Variants in CARMIL3 observed in about 807,000 individuals in gnomAD.
CARMIL3 encodes the protein capping protein, Arp2/3 and myosin-I linker protein 3.
CARMIL3 carries 88 observed loss-of-function variants against 180.8 expected under a neutral mutation model. The ratio of observed to expected loss-of-function variants is 0.49; its 90% CI spans 0.41 to 0.58. The LOEUF is 0.58. CARMIL3 is among the 20% of genes least tolerant of loss of function. The pLI is 0.00. For missense variants in CARMIL3, 1,548 were observed against 1,787.0 expected (o/e 0.87, Z 2.41); for synonymous variants, 696 against 714.5 (o/e 0.97, Z 0.41).
intron 24 of CARMIL3, among the ~76,000 whole-genome samples, 178 bp downstream of exon 24, chr14:24,060,433 G>A (rs538032783): frequency 6.6e-6 from 1 of 152,322 alleles, no homozygotes; most frequent in Non-Finnish European, 1.5e-5. Flanking sequence ...ACATATGTGG[G>A]CGAACAGCAG....
intron 36 of CARMIL3, among the ~76,000 whole-genome samples, chr14:24,066,951 T>A (rs1417138287): frequency 6.6e-6 from 1 of 152,228 alleles, no homozygotes; most frequent in African/African-American, 2.4e-5. Context: ...CTGGTCACCA[T>A]TGGCACAGTG....
At chr14:24,062,957 T>C (rs1005923409) in intron 29 of CARMIL3, 111 bp downstream of exon 29, 1 of 1,539,966 alleles carries the variant, frequency 6.5e-7, no homozygotes, top group Non-Finnish European at 8.8e-7. Flanking sequence ...TCACTGTGCC[T>C]GGCCTTCTGC....
In CARMIL3 at chr14:24,066,488, C is replaced by A. The variant is rs760107535; in HGVS notation, c.3592+24C>A. ...AGGTAAGAACAGTCACATTCAAAGCCCTTTTGGACCCCTCTCTCAGGGGTC... is the reference window on the plus strand; with the variant it reads ...AGGTAAGAACAGTCACATTCAAAGCACTTTTGGACCCCTCTCTCAGGGGTC... On this transcript the variant is annotated intron_variant, in intron 35 of 39. Transcript: ENST00000342740. 3 of 1,613,928 alleles carry A rather than the reference C, an allele frequency of 1.9e-6. No homozygotes were observed. In the South Asian group the frequency reaches 3.3e-5, roughly 18 times the overall value.
In CARMIL3 at chr14:24,054,114, C is replaced by G. The variant is rs2035646271; in HGVS notation, c.162C>G (p.Leu54=). 1.2e-6 allele frequency: 2 copies of G among 1,614,046 alleles called. No homozygotes were observed. Among genetic ancestry groups the G allele is most frequent in the South Asian group, 2.2e-5 (2 of 91,084 alleles). The change falls in exon 3 of 40, where the codon CTC becomes CTG. Residue 54 remains leucine, a synonymous_variant. Transcript: ENST00000342740. This position sits in a 1 kb window ranked among gnomAD's most constrained non-coding sequence, Gnocchi z 5.1. ...VLALTSWRLH[L]FLLKVPAKVE... ...CCCTGACCTCCTGGCGCCTCCACCT[C>G]TTCCTCCTTAAAGTCCCGGCCAAGG...
rs767755727 is a variant in CARMIL3, at chr14:24,055,119, C to T, written c.514C>T (p.Arg172Cys). The T allele has an allele frequency of 6.8e-6, 11 of 1,613,838 alleles. No homozygotes were observed. Among genetic ancestry groups the T allele is most frequent in the Admixed American group, 3.3e-5 (2 of 59,996 alleles). Reference protein sequence around the residue: ...ALCDYNGLHCREEVQWDVDTI... With the variant: ...ALCDYNGLHCCEEVQWDVDTI... ...GTGTGACTACAATGGGCTACACTGC[C>T]GTGAGGAGGTTCAATGGGTATGTTG... The change falls in exon 7 of 40, where the codon CGT becomes TGT. Residue 172 changes from arginine to cysteine, a missense_variant. Physicochemically the swap from Arg to Cys is radical, Grantham distance 180. This residue lies in a region of CARMIL3 where 578 missense variants were observed against 666.5 expected (regional missense o/e 0.87). Transcript: ENST00000342740.
rs1232503899 is a variant in CARMIL3 at position 24,054,160 on chromosome 14, G to A, written c.186+22G>A. 6.2e-7 allele frequency: 1 copy of A among 1,614,130 alleles called. No individual in the cohort carries two copies. Among genetic ancestry groups the A allele is most frequent in the East Asian group, 2.2e-5 (1 of 44,878 alleles). On this transcript the variant is annotated intron_variant, in intron 3 of 39. Coordinates refer to ENST00000342740, the MANE Select transcript of CARMIL3 (RefSeq NM_138360.4). The surrounding 1 kb of genome is among the most constrained non-coding windows in gnomAD (Gnocchi z 5.1). ...CAAGGTGAGTTGGGCTGAGGAGCAG[G>A]AGAGCACCTGGCATGCTCCCTACCT...
chr14:24,069,151 G>A lies in CARMIL3; in HGVS notation c.3997G>A (p.Gly1333Ser), dbSNP rs950687786. ...TGTTATTTCAGGGCCCCCTGATCCAGGCCGGCGGACTGCCCCCCTGAAGCC... is the reference window on the plus strand; with the variant it reads ...TGTTATTTCAGGGCCCCCTGATCCAAGCCGGCGGACTGCCCCCCTGAAGCC... ...EPEVQGPPDP[G>S]RRTAPLKPKR... The change falls in exon 39 of 40, where the codon GGC (glycine) becomes AGC (serine). Residue 1333 changes from glycine (G) to serine (S), a missense_variant. Gly to Ser is a moderately conservative substitution (Grantham distance 56, BLOSUM62 0). Transcript: ENST00000342740. 6.2e-7 allele frequency: 1 copy of A among 1,614,038 alleles called. No individual in the cohort carries two copies. Among genetic ancestry groups the A allele is most frequent in the Non-Finnish European group, 8.5e-7 (1 of 1,180,004 alleles).
chr14:24,067,983 C>T (rs1370950228), intron 36 of CARMIL3, among the ~76,000 whole-genome samples: 2 of 152,254 alleles, frequency 1.3e-5, no homozygotes, highest in East Asian at 3.8e-4. Context: ...CTGGGCCCTG[C>T]CCCAGCAGGA....
Position 24,063,189 on chromosome 14 carries a change from T to G in CARMIL3, c.2770+6T>G. ...GCCGGTGTCTGCCTTCATCAGTGAG[T>G]CTCCCAGCCTCCGTTCTCATGGACT... On this transcript the variant is annotated splice_donor_region_variant and intron_variant, in intron 30 of 39. Transcript: ENST00000342740. The G allele has an allele frequency of 6.2e-7, 1 of 1,611,824 alleles. No homozygotes were observed. The highest frequency in any genetic ancestry group is 8.5e-7 in the Non-Finnish European group (1 of 1,178,176).
At position 24,061,031 on chromosome 14, in the gene CARMIL3, G is replaced by A; in HGVS notation, c.2295G>A (p.Lys765=). 6.4e-7 allele frequency: 1 copy of A among 1,551,568 alleles called. No homozygotes were observed. The highest frequency in any genetic ancestry group is 8.7e-7 in the Non-Finnish European group (1 of 1,146,878). ...VASEVSKAVD[K]ELQVILESMV... Reference sequence around the variant, plus strand: ...GTGAGGTGTCCAAAGCTGTGGACAAGGAGCTGCAGGCAAGTCCTGGAGGAG... The same window carrying A: ...GTGAGGTGTCCAAAGCTGTGGACAAAGAGCTGCAGGCAAGTCCTGGAGGAG... The change falls in exon 26 of 40, where the codon AAG becomes AAA. Residue 765 remains lysine, a synonymous_variant. Transcript: ENST00000342740. The surrounding 1 kb of genome is among the most constrained non-coding windows in gnomAD (Gnocchi z 4.1).
Position 24,062,700 on chromosome 14 carries a change from C to G in CARMIL3, c.2569-9C>G, listed in dbSNP as rs775879030. 6.2e-7 allele frequency: 1 copy of G among 1,607,510 alleles called. No individual in the cohort carries two copies. Among genetic ancestry groups the G allele is most frequent in the South Asian group, 1.1e-5 (1 of 90,200 alleles). ...CCATGGAATTCTGTTCACACCTGCC[C>G]TTCCCCAGGCCCGGCACCTGACCCA... is the stretch of plus-strand genomic sequence containing the variant. On this transcript the variant is annotated splice_polypyrimidine_tract_variant and intron_variant, in intron 28 of 39. Coordinates refer to ENST00000342740, the MANE Select transcript of CARMIL3 (RefSeq NM_138360.4).
At position 24,055,934 on chromosome 14, in the gene CARMIL3, C is replaced by T. The variant is rs2035667729; in HGVS notation, c.770+145C>T. The T allele has an allele frequency of 3.0e-5, 24 of 794,122 alleles. 1 individual carries two copies. In the South Asian group the frequency reaches 3.8e-4, roughly 13 times the overall value. The allele number at this position is 794,122 out of a possible 1,614,324, so 49.2% of individuals were successfully genotyped here. A position where few individuals can be genotyped will look rare whatever the true frequency, so the allele number is the denominator to read the frequency against. ...AGGAGACCAAGGCCAAAAGAGGGCACAAAGCAAGTCGGAGGTCAAGCTAGA... is the reference window on the plus strand; with the variant it reads ...AGGAGACCAAGGCCAAAAGAGGGCATAAAGCAAGTCGGAGGTCAAGCTAGA... On this transcript the variant is annotated intron_variant, in intron 10 of 39. Coordinates refer to ENST00000342740, the MANE Select transcript of CARMIL3 (RefSeq NM_138360.4).
Position 24,061,416 on chromosome 14 carries a change from A to C in CARMIL3, c.2305-81A>C. 2.1e-6 allele frequency: 3 copies of C among 1,411,830 alleles called. No homozygotes were observed. Among genetic ancestry groups the C allele is most frequent in the Non-Finnish European group, 2.9e-6 (3 of 1,035,750 alleles). 87.5% of individuals were successfully genotyped at this position (1,411,830 alleles called of 1,614,324 possible). ...CTCAGTCTCAGCAGGAGGGGCTGGA[A>C]TAGATAAAGTCTCTTCTGCTGTGGT... On this transcript the variant is annotated intron_variant, in intron 26 of 39. Transcript: ENST00000342740. This position sits in a 1 kb window ranked among gnomAD's most constrained non-coding sequence, Gnocchi z 4.1.
At position 24,054,071 on chromosome 14, in the gene CARMIL3, T is replaced by C. The variant is rs1237840544; in HGVS notation, c.136-17T>C. The C allele has an allele frequency of 1.2e-6, 2 of 1,613,066 alleles. No individual in the cohort carries two copies. The highest frequency in any genetic ancestry group is 4.5e-5 in the East Asian group (2 of 44,874). Reference sequence around the variant, plus strand: ...CAGCAGCTGCCATGAGCTGCCGATTTTTTCCTCTCTCTGTAGGCCCTGACC... The same window carrying C: ...CAGCAGCTGCCATGAGCTGCCGATTCTTTCCTCTCTCTGTAGGCCCTGACC... On this transcript the variant is annotated splice_polypyrimidine_tract_variant and intron_variant, in intron 2 of 39. Coordinates refer to ENST00000342740, the MANE Select transcript of CARMIL3 (RefSeq NM_138360.4). The surrounding 1 kb of genome is among the most constrained non-coding windows in gnomAD (Gnocchi z 5.1).
At chr14:24,067,644 G>A (rs753761992) in intron 36 of CARMIL3, among the ~76,000 whole-genome samples, 4 of 152,396 alleles carry the variant, frequency 2.6e-5, no homozygotes, top group South Asian at 2.1e-4. Context: ...AGCACTGGGG[G>A]CATCTTTGCT....
At position 24,059,530 on chromosome 14, in the gene CARMIL3, C is replaced by T. The variant is rs2035709891; in HGVS notation, c.1799+88C>T. 7 of 1,511,310 alleles carry T rather than the reference C, an allele frequency of 4.6e-6. No individual in the cohort carries two copies. The East Asian group carries it at 1.7e-4, about 37-fold the overall frequency. The allele number at this position is 1,511,310 out of a possible 1,614,324, so 93.6% of individuals were successfully genotyped here. A position where few individuals can be genotyped will look rare whatever the true frequency, so the allele number is the denominator to read the frequency against. The stretch of plus-strand genomic sequence containing the variant: ...TCCCTGCTTTCCTTGATGCTCTGGA[C>T]CCCAGCTTCCAGAAGACCCCCAGCC... On this transcript the variant is annotated intron_variant, in intron 21 of 39. Transcript: ENST00000342740. The surrounding 1 kb of genome is among the most constrained non-coding windows in gnomAD (Gnocchi z 6.3).
chr14:24,064,238 C>A lies in CARMIL3; in HGVS notation c.2980-8C>A. The A allele has an allele frequency of 6.2e-7, 1 of 1,607,344 alleles. No individual in the cohort carries two copies. On this transcript the variant is annotated splice_region_variant and splice_polypyrimidine_tract_variant and intron_variant, in intron 31 of 39. Coordinates refer to ENST00000342740, the MANE Select transcript of CARMIL3 (RefSeq NM_138360.4). ...ATGAGATGTCCCACGGGACTTTCCT[C>A]CCAGCAGATGCCAGCACCTGGGACT...
In CARMIL3 at chr14:24,064,353, T is replaced by C; in HGVS notation, c.3080+7T>C. ...TCCTGGAGGAAAGTTCTAGGTGTGA[T>C]GCCTAAACACACTCCCATTTTCAGC... On this transcript the variant is annotated splice_region_variant and intron_variant, in intron 32 of 39. Coordinates refer to ENST00000342740, the MANE Select transcript of CARMIL3 (RefSeq NM_138360.4). 1.3e-6 allele frequency: 2 copies of C among 1,597,448 alleles called. No individual in the cohort carries two copies. Among genetic ancestry groups the C allele is most frequent in the South Asian group, 1.1e-5 (1 of 89,058 alleles).
rs766735831 is a variant in CARMIL3, at chr14:24,060,261, C to T, written c.2061+6C>T. The T allele has an allele frequency of 5.6e-6, 9 of 1,614,040 alleles. No homozygotes were observed. The highest frequency in any genetic ancestry group is 3.3e-5 in the South Asian group (3 of 91,084). On this transcript the variant is annotated splice_donor_region_variant and intron_variant, in intron 24 of 39. Transcript: ENST00000342740. ...TGACCAGCAGCGCCGAGCAAGTAAA[C>T]GTTTCCCTCTGGGACACGGGGCATA... is the stretch of plus-strand genomic sequence containing the variant.
Sources: gnomAD v4.1 joint callset for allele counts (sites outside exome capture counted in the v4.1 genomes callset) on GRCh38, gnomAD v4.1.1 for gene constraint, gnomAD v4.1.1 regional missense constraint, Gnocchi (gnomAD v3.1) non-coding constraint, MANE v1.5 for transcripts, NCBI Gene and HGNC (gene_info 2026-07-23, HGNC 2026-07-21) for gene names.